BRD10: variants seen among roughly 807,000 people sequenced by gnomAD.
BRD10 encodes the protein bromodomain containing 10, also known as uncharacterized bromodomain-containing protein 10.
the BRD10 span, chr9:5,967,989 T>C: frequency 1.8e-5 from 24 of 1,313,488 alleles, no homozygotes; most frequent in Middle Eastern, 7.9e-4. Context: ...TATACTTAAA[T>C]ATAACTCCCA....
At chr9:6,004,193 C>T in the BRD10 span, among the ~76,000 whole-genome samples, 4 of 152,208 alleles carry the variant, frequency 2.6e-5, no homozygotes, top group Admixed American at 6.5e-5. Context: ...TCACCCCTTC[C>T]GCTTCAGATT....
chr9:5,910,922 C>G, the BRD10 span, among the ~76,000 whole-genome samples: 1 of 152,170 alleles, frequency 6.6e-6, no homozygotes, highest in East Asian at 1.9e-4. Context: ...CCACTGAGAG[C>G]TCCTTATATA....
chr9:5,886,159 G>A, the BRD10 span, among the ~76,000 whole-genome samples: 1 of 152,206 alleles, frequency 6.6e-6, no homozygotes, highest in Non-Finnish European at 1.5e-5. Flanking sequence ...GAGCACTGAA[G>A]AGGGCCTAAG....
At chr9:5,966,301 TA>T in the BRD10 span, among the ~76,000 whole-genome samples, 1 of 152,132 alleles carries the variant, frequency 6.6e-6, no homozygotes, top group Admixed American at 6.5e-5. Context: ...GTCTATTTTA[TA>T]AACCACTTTA....
At chr9:5,968,388 T>A in the BRD10 span, 1 of 1,612,028 alleles carries the variant, frequency 6.2e-7, no homozygotes, top group East Asian at 2.2e-5. Flanking sequence ...TTTTCCTGAT[T>A]TTCTATAAAC....
chr9:5,966,605 G>A, the BRD10 span, among the ~76,000 whole-genome samples: 5 of 151,580 alleles, frequency 3.3e-5, no homozygotes, highest in South Asian at 2.1e-4. Context: ...GACTATAGGC[G>A]CATGCCACCA....
At chr9:5,920,924 A>C in the BRD10 span, 1 of 1,613,994 alleles carries the variant, frequency 6.2e-7, no homozygotes, top group Non-Finnish European at 8.5e-7. Flanking sequence ...AATAGGCATA[A>C]TTCTTGAAGA....
chr9:5,961,670 T>C, the BRD10 span, among the ~76,000 whole-genome samples: 1 of 152,204 alleles, frequency 6.6e-6, no homozygotes, highest in Non-Finnish European at 1.5e-5. Context: ...GGACATTATA[T>C]TGTTTCCACT....
chr9:5,945,265 C>T, the BRD10 span, among the ~76,000 whole-genome samples: 1 of 152,020 alleles, frequency 6.6e-6, no homozygotes, highest in African/African-American at 2.4e-5. Flanking sequence ...CCCAGAATGA[C>T]AAAGATCTGG....
At chr9:5,941,932 T>C in the BRD10 span, among the ~76,000 whole-genome samples, 1 of 152,166 alleles carries the variant, frequency 6.6e-6, no homozygotes, top group African/African-American at 2.4e-5. Flanking sequence ...GTTTGTATTA[T>C]ATGAATCCAT....
the BRD10 span, among the ~76,000 whole-genome samples, chr9:5,884,020 C>T: frequency 0.011 from 1,728 of 152,256 alleles, 25 homozygotes; most frequent in African/African-American, 0.039. Context: ...CAAAAACACA[C>T]GGCCAGTCAA....
At chr9:5,965,279 T>TA in the BRD10 span, among the ~76,000 whole-genome samples, 2 of 151,582 alleles carry the variant, frequency 1.3e-5, no homozygotes, top group Non-Finnish European at 1.5e-5. Flanking sequence ...AGGTTATCGG[T>TA]AATCATTACT....
chr9:5,945,742 C>G, the BRD10 span, among the ~76,000 whole-genome samples: 7 of 151,884 alleles, frequency 4.6e-5, no homozygotes, highest in African/African-American at 1.7e-4. Context: ...CTGAATTTCT[C>G]CAATTCATTC....
At chr9:5,920,900 A>C in the BRD10 span, 1,739 of 1,614,006 alleles carry the variant, frequency 1.1e-3, 19 homozygotes, top group African/African-American at 0.021. Flanking sequence ...TGATGAGCAA[A>C]GTCTATTTGA....
the BRD10 span, among the ~76,000 whole-genome samples, chr9:5,914,409 GGTTTTTTTTTTTTTTTTTT>G: frequency 9.4e-6 from 1 of 106,924 alleles, no homozygotes; most frequent in Non-Finnish European, 1.8e-5. Flanking sequence ...AAATCCAGAT[GGTTTTTTTTTTTTTTTTTT>G]TTTTTTTTTT....
chr9:5,967,910 T>C, the BRD10 span: 5 of 674,378 alleles, frequency 7.4e-6, no homozygotes, highest in Non-Finnish European at 1.0e-5. Flanking sequence ...TATACACGCA[T>C]GCATACATGT....
chr9:5,918,624 G>C, the BRD10 span, among the ~76,000 whole-genome samples: 1 of 144,004 alleles, frequency 6.9e-6, no homozygotes, highest in Non-Finnish European at 1.5e-5. Context: ...AGTAATTGTG[G>C]TTTTTTGCCG....
the BRD10 span, among the ~76,000 whole-genome samples, chr9:5,966,433 A>G: frequency 7.0e-6 from 1 of 143,226 alleles, no homozygotes; most frequent in African/African-American, 2.6e-5. Context: ...ATATTATTTA[A>G]TATTTTAGAG....
chr9:5,882,365 A>G, the BRD10 span, among the ~76,000 whole-genome samples: 2 of 152,202 alleles, frequency 1.3e-5, no homozygotes, highest in Non-Finnish European at 2.9e-5. Context: ...ATGCCTGAGC[A>G]AGGATTTCGC....
Sources: gnomAD v4.1 joint callset for allele counts (sites outside exome capture counted in the v4.1 genomes callset) on GRCh38, gnomAD v4.1.1 for gene constraint, MANE v1.5 for transcripts, NCBI Gene and HGNC (gene_info 2026-07-23, HGNC 2026-07-21) for gene names.